GNAI1: variants seen among roughly 807,000 people sequenced by gnomAD.
GNAI1 encodes guanine nucleotide-binding protein G(i) subunit alpha-1.
In GNAI1, 11 loss-of-function variants were observed where a neutral mutation model predicts 38.9. The ratio of observed to expected loss-of-function variants is 0.28; its 90% CI spans 0.18 to 0.47. The LOEUF is 0.47. Among genes scored for constraint, GNAI1 ranks in the 20% least tolerant of loss-of-function variants. The pLI, the probability that GNAI1 is intolerant of heterozygous loss-of-function variation, is 0.99. For missense variants in GNAI1, 317 were observed against 436.9 expected, an observed-to-expected ratio of 0.73 and a Z score of 2.45; for synonymous variants, 166 against 145.1, an observed-to-expected ratio of 1.14 and a Z score of -1.04.
chr7:80,196,074 G>A (rs780590777), intron 3 of GNAI1, among the ~76,000 whole-genome samples: 1 of 151,828 alleles, frequency 6.6e-6, no homozygotes, highest in Non-Finnish European at 1.5e-5. Context: ...CACTAAATAA[G>A]TACAGCATGC....
intron 1 of GNAI1, among the ~76,000 whole-genome samples, chr7:80,161,577 T>G (rs770580611): frequency 1.2e-4 from 19 of 152,206 alleles, no homozygotes; most frequent in Non-Finnish European, 2.6e-4. Context: ...TCTTTAAATG[T>G]CATATATTTT....
chr7:80,176,505 C>T (rs1788184079), intron 1 of GNAI1, among the ~76,000 whole-genome samples: 1 of 152,186 alleles, frequency 6.6e-6, no homozygotes, highest in Non-Finnish European at 1.5e-5. Context: ...ACATTCATAG[C>T]TAGAGAGGAA....
At chr7:80,206,615 A>T (rs1788781392) in intron 5 of GNAI1, among the ~76,000 whole-genome samples, 1 of 151,748 alleles carries the variant, frequency 6.6e-6, no homozygotes, top group Admixed American at 6.6e-5. Flanking sequence ...TTAGATTCTG[A>T]TTTTGGTTTT....
intron 1 of GNAI1, among the ~76,000 whole-genome samples, chr7:80,183,861 C>G (rs1047681998): frequency 1.3e-5 from 2 of 152,038 alleles, no homozygotes; most frequent in Admixed American, 6.5e-5. Context: ...TTTTTTCTCC[C>G]TTCCTCCCAC....
chr7:80,198,491 T>A (rs1788621473), intron 3 of GNAI1, among the ~76,000 whole-genome samples: 1 of 152,284 alleles, frequency 6.6e-6, no homozygotes, highest in South Asian at 2.1e-4. Context: ...AATTTTAAGC[T>A]AAGTTTAATT....
At chr7:80,185,676 A>G (rs543461788) in intron 1 of GNAI1, among the ~76,000 whole-genome samples, 53 of 152,192 alleles carry the variant, frequency 3.5e-4, no homozygotes, top group Middle Eastern at 3.4e-3. Context: ...GTCTCAGCAT[A>G]TTGACTTGGC....
intron 4 of GNAI1, among the ~76,000 whole-genome samples, chr7:80,200,398 CAAA>C (rs1011060176): frequency 8.8e-6 from 1 of 113,966 alleles, no homozygotes; most frequent in Admixed American, 8.9e-5. Flanking sequence ...AACACCAAAA[CAAA>C]AAAAAAATTT....
intron 1 of GNAI1, among the ~76,000 whole-genome samples, chr7:80,160,148 C>T (rs1040844470): frequency 3.3e-5 from 5 of 151,442 alleles, no homozygotes; most frequent in Non-Finnish European, 7.4e-5. Context: ...CAACACTCTA[C>T]AAGTGACTTG....
rs531910225 is a variant in GNAI1 at position 80,221,792 on chromosome 7, G to A, written c.*4299G>A. ...CGAGTAGCTGGGATTACAGGCATGC[G>A]CCACTACACCCAGCTAATTTTTGTA... On this transcript the variant is annotated 3_prime_UTR_variant, in exon 8 of 8. Transcript: ENST00000649796. 9.2e-5 allele frequency among the ~76,000 whole-genome samples: 14 copies of A among 151,728 alleles called. No homozygotes were observed. The highest frequency in any genetic ancestry group is 1.3e-4 in the Non-Finnish European group (9 of 67,914).
At chr7:80,177,553 T>C (rs1788208869) in intron 1 of GNAI1, among the ~76,000 whole-genome samples, 1 of 152,184 alleles carries the variant, frequency 6.6e-6, no homozygotes, top group Admixed American at 6.5e-5. Flanking sequence ...ATGGTCATAG[T>C]TTACTGCAGC....
rs562644199 is a variant in GNAI1, at chr7:80,223,211, C to G, written c.*5718C>G. On this transcript the variant is annotated 3_prime_UTR_variant, in exon 8 of 8. Coordinates refer to ENST00000649796, the MANE Select transcript of GNAI1 (RefSeq NM_002069.6). Reference sequence around the variant, plus strand: ...TGAGAGCCTAAGGGCCACAGAAATTCCTTTTCCAACTGCAGTGTCTATGGA... The same window carrying G: ...TGAGAGCCTAAGGGCCACAGAAATTGCTTTTCCAACTGCAGTGTCTATGGA... 6.6e-6 allele frequency among the ~76,000 whole-genome samples: 1 copy of G among 152,290 alleles called. No homozygotes were observed. The highest frequency in any genetic ancestry group is 1.5e-5 in the Non-Finnish European group (1 of 68,010).
intron 6 of GNAI1, 57 bp from the exon 7 acceptor site, chr7:80,212,659 T>G: frequency 9.7e-7 from 1 of 1,036,080 alleles, no homozygotes; most frequent in Admixed American, 3.0e-5. Context: ...TTTTTTAAAA[T>G]AGTCCTCAAA....
intron 7 of GNAI1, among the ~76,000 whole-genome samples, chr7:80,213,276 C>T (rs1788903907): frequency 6.6e-6 from 1 of 152,092 alleles, no homozygotes; most frequent in South Asian, 2.1e-4. Context: ...GGAACATGAA[C>T]ATTATAGTAA....
At chr7:80,202,866 C>T (rs1788713526) in intron 4 of GNAI1, among the ~76,000 whole-genome samples, 1 of 152,164 alleles carries the variant, frequency 6.6e-6, no homozygotes, top group African/African-American at 2.4e-5. Flanking sequence ...TTCCCATCTC[C>T]ATACTGATTT....
intron 1 of GNAI1, among the ~76,000 whole-genome samples, chr7:80,177,308 G>T (rs1788202386): frequency 6.6e-6 from 1 of 152,054 alleles, no homozygotes; most frequent in Admixed American, 6.6e-5. Context: ...GGGATTACAG[G>T]CATGAGCCAC....
At chr7:80,147,411 G>A (rs1213431384) in intron 1 of GNAI1, among the ~76,000 whole-genome samples, 1 of 149,734 alleles carries the variant, frequency 6.7e-6, no homozygotes, top group Non-Finnish European at 1.5e-5. Context: ...TCTCTTGCTT[G>A]TACCAAGAAG....
chr7:80,138,845 C>T (rs1377032075), intron 1 of GNAI1, among the ~76,000 whole-genome samples: 1 of 151,852 alleles, frequency 6.6e-6, no homozygotes, highest in Non-Finnish European at 1.5e-5. Flanking sequence ...TTAAATATTC[C>T]AGGTTTGGGG....
At chr7:80,176,902 A>G (rs1788190631) in intron 1 of GNAI1, among the ~76,000 whole-genome samples, 2 of 133,452 alleles carry the variant, frequency 1.5e-5, no homozygotes, top group African/African-American at 5.8e-5. Flanking sequence ...ACGCCACCGC[A>G]CTCTAGCCTG....
rs796272244 is a variant in GNAI1, at chr7:80,176,926, G to A, written c.119-12025G>A. Among the ~76,000 whole-genome samples the A allele has an allele frequency of 2.5e-3, 287 of 113,410 alleles. 1 individual carries two copies. Among genetic ancestry groups the A allele is most frequent in the African/African-American group, 9.2e-3 (266 of 29,024 alleles). The allele number at this position is 113,410 out of a possible 152,430, so 74.4% of individuals were successfully genotyped here. ...CACTCTAGCCTGGGCGACAAGGGGA[G>A]ACTCTGTCTCAAAAAAAAAAAAAAA... On this transcript the variant is annotated intron_variant, in intron 1 of 7. Coordinates refer to ENST00000649796, the MANE Select transcript of GNAI1 (RefSeq NM_002069.6).
Sources: gnomAD v4.1 joint callset for allele counts (sites outside exome capture counted in the v4.1 genomes callset) on GRCh38, gnomAD v4.1.1 for gene constraint, MANE v1.5 for transcripts, NCBI Gene and HGNC (gene_info 2026-07-23, HGNC 2026-07-21) for gene names.